The following TNFRSF11A variants were observed in gnomAD, a reference collection of about 807,000 sequenced individuals.
The protein encoded by TNFRSF11A is TNF receptor superfamily member 11a, also known as tumor necrosis factor receptor superfamily member 11A.
In TNFRSF11A, 32 loss-of-function variants were observed where a neutral mutation model predicts 55.7. That is an observed-to-expected ratio of 0.57 (90% CI 0.43 to 0.77). The LOEUF is 0.77. Ranked by LOEUF, TNFRSF11A falls within the 30% of genes least tolerant of loss-of-function variation. TNFRSF11A has a pLI of 0.00. For synonymous variants in TNFRSF11A, 311 were observed against 331.0 expected (o/e 0.94, Z 0.65); for missense variants, 753 against 809.8 (o/e 0.93, Z 0.85).
chr18:62,375,480 TA>T (rs1413844231), intron 9 of TNFRSF11A, among the ~76,000 whole-genome samples: 1 of 152,194 alleles, frequency 6.6e-6, no homozygotes, highest in Non-Finnish European at 1.5e-5. Context: ...TTTCAAATCA[TA>T]CTTTTGGGTA....
At chr18:62,358,892 T>G (rs1279913920) in intron 5 of TNFRSF11A, among the ~76,000 whole-genome samples, 1 of 152,218 alleles carries the variant, frequency 6.6e-6, no homozygotes, top group Non-Finnish European at 1.5e-5. Flanking sequence ...AATAAGTTCT[T>G]TATTGATAGT....
At position 62,389,793 on chromosome 18, in the gene TNFRSF11A, C is replaced by G. The variant is rs1290064908; in HGVS notation, c.*4759C>G. 1 of 152,146 alleles carries G rather than the reference C, an allele frequency of 6.6e-6. No individual in the cohort carries two copies. Among genetic ancestry groups the G allele is most frequent in the Non-Finnish European group, 1.5e-5 (1 of 68,030 alleles). The allele number at this position is 152,146 out of a possible 1,614,324, so 9.4% of individuals were successfully genotyped here. A position where few individuals can be genotyped will look rare whatever the true frequency, so the allele number is the denominator to read the frequency against. ...AATGACAAAATTACAGGCCTGTTAC[C>G]AGATCTTCGTACTAACCAAGGAGCT... On this transcript the variant is annotated 3_prime_UTR_variant, in exon 10 of 10. Transcript: ENST00000586569.
intron 1 of TNFRSF11A, among the ~76,000 whole-genome samples, chr18:62,343,614 T>A (rs1189696935): frequency 6.6e-6 from 1 of 152,134 alleles, no homozygotes; most frequent in African/African-American, 2.4e-5. Context: ...TCCCCCGCCC[T>A]CCGAAAGCCT....
intron 4 of TNFRSF11A, 46 bp from the exon 5 acceptor site, chr18:62,358,202 T>G (rs1600389599): frequency 6.3e-7 from 1 of 1,578,330 alleles, no homozygotes; most frequent in Non-Finnish European, 8.6e-7. Flanking sequence ...CCTCGTTTGT[T>G]TTTTGTTTGT....
chr18:62,388,216 A>G lies in TNFRSF11A; in HGVS notation c.*3182A>G. On this transcript the variant is annotated 3_prime_UTR_variant, in exon 10 of 10. Transcript: ENST00000586569. ...CTTACCCATTTACAATGACCCGGCT[A>G]GTTGGCCGGGCCAGGCTGTGTGCTC... 1 of 152,336 alleles carries G rather than the reference A, an allele frequency of 6.6e-6. No individual in the cohort carries two copies. Among genetic ancestry groups the G allele is most frequent in the East Asian group, 1.9e-4 (1 of 5,176 alleles). The allele number at this position is 152,336 out of a possible 1,614,324, so 9.4% of individuals were successfully genotyped here. A position where few individuals can be genotyped will look rare whatever the true frequency, so the allele number is the denominator to read the frequency against.
rs1317853813 is a variant in TNFRSF11A, at chr18:62,325,592, C to T, written c.75+165C>T. Among the ~76,000 whole-genome samples the T allele has an allele frequency of 6.6e-6, 1 of 151,864 alleles. No individual in the cohort carries two copies. Among genetic ancestry groups the T allele is most frequent in the Non-Finnish European group, 1.5e-5 (1 of 67,888 alleles). ...CTGGGGAGGCGCTTCCAGAGTTGGA[C>T]GGCGGAGGGCGGGAAAGGGCAAGCG... On this transcript the variant is annotated intron_variant, in intron 1 of 9. Transcript: ENST00000586569. The surrounding 1 kb of genome is among the most constrained non-coding windows in gnomAD (Gnocchi z 4.7).
In TNFRSF11A at chr18:62,348,253, C is replaced by T. The variant is rs1403684699; in HGVS notation, c.157+4C>T. The T allele has an allele frequency of 3.7e-6, 6 of 1,613,162 alleles. 1 individual carries two copies. In the Admixed American group the frequency reaches 5.0e-5, roughly 13 times the overall value. On this transcript the variant is annotated splice_donor_region_variant and intron_variant, in intron 2 of 9. Transcript: ENST00000586569. ...TGCTGTAACAAATGTGAACCAGGTA[C>T]ACCTGCTTCTGAGCCACCTTGCATT... is the stretch of plus-strand genomic sequence containing the variant.
At chr18:62,348,762 C>G (rs4289084) in intron 2 of TNFRSF11A, among the ~76,000 whole-genome samples, 142,767 of 152,326 alleles carry the variant, frequency 0.94, 67,079 homozygotes, top group African/African-American at 0.98. Context: ...GTGTGGCTGA[C>G]TATTTCTGCA....
At chr18:62,353,919 A>C (rs1909036183) in intron 3 of TNFRSF11A, among the ~76,000 whole-genome samples, 1 of 152,164 alleles carries the variant, frequency 6.6e-6, no homozygotes, top group Non-Finnish European at 1.5e-5. Context: ...ATGTAACTCC[A>C]CAACAACCCG....
intron 3 of TNFRSF11A, among the ~76,000 whole-genome samples, chr18:62,350,484 G>T (rs1223122336): frequency 1.3e-5 from 2 of 151,994 alleles, no homozygotes; most frequent in Non-Finnish European, 2.9e-5. Flanking sequence ...AGTAGAGACG[G>T]GGTTTCACCA....
In TNFRSF11A at chr18:62,385,061, G is replaced by A. The variant is rs1911620272; in HGVS notation, c.*27G>A. The stretch of plus-strand genomic sequence containing the variant: ...CGCCCCCCATGGCTGGGAGCCCGAA[G>A]CTCGGAGCCAGGGCTCGCGAGGGCA... On this transcript the variant is annotated 3_prime_UTR_variant, in exon 10 of 10. Coordinates refer to ENST00000586569, the MANE Select transcript of TNFRSF11A (RefSeq NM_003839.4). 2 of 1,455,826 alleles carry A rather than the reference G, an allele frequency of 1.4e-6. No individual in the cohort carries two copies. The highest frequency in any genetic ancestry group is 2.7e-5 in the South Asian group (2 of 72,746). 90.2% of individuals were successfully genotyped at this position (1,455,826 alleles called of 1,614,324 possible).
chr18:62,365,349 A>T (rs1296377600), intron 7 of TNFRSF11A, among the ~76,000 whole-genome samples: 2 of 152,200 alleles, frequency 1.3e-5, no homozygotes, highest in African/African-American at 4.8e-5. Flanking sequence ...AAATTCATAG[A>T]TTTCTTAAAA....
At chr18:62,334,319 C>T (rs2097536917) in intron 1 of TNFRSF11A, among the ~76,000 whole-genome samples, 1 of 152,218 alleles carries the variant, frequency 6.6e-6, no homozygotes, top group African/African-American at 2.4e-5. Flanking sequence ...ACCACCACTT[C>T]CTGAAGCCAA....
intron 5 of TNFRSF11A, among the ~76,000 whole-genome samples, chr18:62,358,562 G>T (rs1213873243): frequency 6.6e-6 from 1 of 152,216 alleles, no homozygotes; most frequent in African/African-American, 2.4e-5. Flanking sequence ...TGACTTTTTA[G>T]ATTTGGTAAT....
At chr18:62,342,009 T>G (rs929669405) in intron 1 of TNFRSF11A, among the ~76,000 whole-genome samples, 4 of 151,946 alleles carry the variant, frequency 2.6e-5, no homozygotes, top group African/African-American at 9.7e-5. Context: ...GGGGACTGCC[T>G]GGCCAGGCTA....
At chr18:62,377,875 G>A (rs1408041005) in intron 9 of TNFRSF11A, among the ~76,000 whole-genome samples, 2 of 152,022 alleles carry the variant, frequency 1.3e-5, no homozygotes, top group Non-Finnish European at 2.9e-5. Context: ...GATCTTTTTA[G>A]GCCATCTTGG....
intron 3 of TNFRSF11A, among the ~76,000 whole-genome samples, chr18:62,351,260 C>T (rs1271196448): frequency 6.6e-6 from 1 of 152,124 alleles, no homozygotes; most frequent in East Asian, 1.9e-4. Flanking sequence ...GCCTCAGCCT[C>T]CCAAAGTGCT....
intron 7 of TNFRSF11A, among the ~76,000 whole-genome samples, chr18:62,362,698 A>C (rs548436556): frequency 8.6e-5 from 13 of 150,294 alleles, no homozygotes; most frequent in South Asian, 2.1e-4. Flanking sequence ...TTTTTACGAA[A>C]GGATTCAAGG....
intron 1 of TNFRSF11A, 106 bp from the exon 2 acceptor site, chr18:62,348,058 CAAAA>C (rs201661953): frequency 5.4e-3 from 3,433 of 633,388 alleles, no homozygotes; most frequent in Middle Eastern, 7.9e-3. Flanking sequence ...AAACTCCATT[CAAAA>C]AAAAAAAAAA....
Sources: allele counts gnomAD v4.1 joint callset (sites outside exome capture counted in the v4.1 genomes callset), GRCh38; gene constraint gnomAD v4.1.1; non-coding constraint Gnocchi (gnomAD v3.1); transcripts MANE v1.5; gene names NCBI Gene and HGNC (gene_info 2026-07-23, HGNC 2026-07-21).